Variants in TTLL5 observed in about 807,000 individuals in gnomAD.
The protein encoded by TTLL5 is tubulin tyrosine ligase like 5, also known as tubulin polyglutamylase TTLL5.
A neutral mutation model predicts 168.4 loss-of-function variants in TTLL5; 132 were observed. The ratio of observed to expected loss-of-function variants is 0.78; its 90% CI spans 0.68 to 0.91. The LOEUF (loss-of-function observed/expected upper bound fraction) is 0.91, where lower values mean the gene tolerates loss of function less well. Among genes scored for constraint, TTLL5 ranks in the 40% least tolerant of loss-of-function variants. The pLI, the probability that TTLL5 is intolerant of heterozygous loss-of-function variation, is 0.00. For synonymous variants in TTLL5, 546 were observed against 558.6 expected, an observed-to-expected ratio of 0.98 and a Z score of 0.32; for missense variants, 1,545 against 1,581.5, an observed-to-expected ratio of 0.98 and a Z score of 0.39.
chr14:75,663,011 TTG>T (rs1890857319), intron 1 of TTLL5, 42 bp from the exon 2 acceptor site: 1 of 744,100 alleles, frequency 1.3e-6, no homozygotes. Flanking sequence ...GACAACTGCA[TTG>T]TGTTTCAGGT....
intron 30 of TTLL5, among the ~76,000 whole-genome samples, chr14:75,883,504 G>T (rs909604186): frequency 2.0e-5 from 3 of 152,182 alleles, no homozygotes; most frequent in African/African-American, 7.2e-5. Context: ...GAAGAGGCAC[G>T]CATTGCCTGC....
chr14:75,803,762 A>C (rs957793699), intron 27 of TTLL5, among the ~76,000 whole-genome samples: 1 of 152,200 alleles, frequency 6.6e-6, no homozygotes, highest in Non-Finnish European at 1.5e-5. Context: ...AAGTCTCACT[A>C]TCTCTGCCTG....
At chr14:75,867,885 G>A (rs1000748118) in intron 29 of TTLL5, among the ~76,000 whole-genome samples, 1 of 152,028 alleles carries the variant, frequency 6.6e-6, no homozygotes, top group Non-Finnish European at 1.5e-5. Context: ...TTCTAATTCT[G>A]TCTTTCTTCT....
chr14:75,677,326 G>A lies in TTLL5; in HGVS notation c.182-4219G>A, dbSNP rs934219834. On this transcript the variant is annotated intron_variant, in intron 3 of 31. Transcript: ENST00000298832. Reference sequence around the variant, plus strand: ...ACAATTTATTGAAGGCTACAGGGAGGAAGTGGTAGAATCAGGGTTTGAACC... The same window carrying A: ...ACAATTTATTGAAGGCTACAGGGAGAAAGTGGTAGAATCAGGGTTTGAACC... Among the ~76,000 whole-genome samples the A allele has an allele frequency of 2.6e-5, 4 of 151,562 alleles. No individual in the cohort carries two copies. The South Asian group carries it at 8.4e-4, about 32-fold the overall frequency.
At chr14:75,713,203 T>C (rs1445738423) in intron 9 of TTLL5, among the ~76,000 whole-genome samples, 18 of 152,212 alleles carry the variant, frequency 1.2e-4, no homozygotes, top group Admixed American at 1.2e-3. Context: ...CCCATAAGAT[T>C]GTAATGGAGC....
chr14:75,813,409 C>G (rs117306921), intron 27 of TTLL5, among the ~76,000 whole-genome samples: 3,324 of 151,942 alleles, frequency 0.022, 43 homozygotes, highest in Middle Eastern at 0.041. Flanking sequence ...TCAAGCAATC[C>G]TTCCCACCTC....
chr14:75,762,097 A>T (rs1262236374), intron 18 of TTLL5, among the ~76,000 whole-genome samples: 5 of 150,724 alleles, frequency 3.3e-5, no homozygotes, highest in South Asian at 4.2e-4. Flanking sequence ...TTAAATATTT[A>T]AAAAAAAAAT....
At chr14:75,919,197 CA>C (rs10655974) in intron 31 of TTLL5, among the ~76,000 whole-genome samples, 393 of 56,072 alleles carry the variant, frequency 7.0e-3, no homozygotes, top group African/African-American at 0.024. Context: ...AAGACCGTCT[CA>C]AAAAAAAAAA....
At chr14:75,704,102 A>G (rs891161633) in intron 7 of TTLL5, among the ~76,000 whole-genome samples, 143 of 152,212 alleles carry the variant, frequency 9.4e-4, no homozygotes, top group African/African-American at 3.3e-3. Flanking sequence ...TGAGGTAGTT[A>G]TTATTTCCTT....
chr14:75,667,447 C>G (rs565714373), intron 2 of TTLL5, among the ~76,000 whole-genome samples: 31 of 152,190 alleles, frequency 2.0e-4, no homozygotes, highest in Non-Finnish European at 3.8e-4. Flanking sequence ...AATCACCTGG[C>G]TTCATGCCCA....
chr14:75,846,520 G>T (rs1566628839), intron 28 of TTLL5, among the ~76,000 whole-genome samples: 1 of 152,232 alleles, frequency 6.6e-6, no homozygotes, highest in Non-Finnish European at 1.5e-5. Flanking sequence ...GCCGGGTGTG[G>T]TGGCTCATGC....
chr14:75,953,244 A>G (rs1190802760), intron 31 of TTLL5, among the ~76,000 whole-genome samples: 1 of 152,240 alleles, frequency 6.6e-6, no homozygotes, highest in Non-Finnish European at 1.5e-5. Context: ...CTGAGGCAAT[A>G]CTGCTCCACA....
At chr14:75,926,816 A>G (rs886360879) in intron 31 of TTLL5, among the ~76,000 whole-genome samples, 2 of 152,224 alleles carry the variant, frequency 1.3e-5, no homozygotes, top group South Asian at 4.1e-4. Flanking sequence ...CTAAATATAC[A>G]TTTAGGAGAA....
intron 30 of TTLL5, 118 bp downstream of exon 30, chr14:75,883,020 T>G (rs765955803): frequency 1.0e-5 from 12 of 1,143,690 alleles, no homozygotes; most frequent in Non-Finnish European, 1.4e-5. Context: ...GAACACCTGC[T>G]GGGAAATAAA....
intron 21 of TTLL5, 34 bp from the exon 22 acceptor site, chr14:75,775,450 C>CT (rs555833874): frequency 2.7e-4 from 434 of 1,578,672 alleles, no homozygotes; most frequent in South Asian, 9.9e-4. Context: ...ACCATCCCTC[C>CT]TTTTTTTTTC....
chr14:75,745,479 T>C lies in TTLL5; in HGVS notation c.1396-11T>C. ...AAAATAGGTACTCATTTTATCTTAT[T>C]TTTCATCTAGATCAAAGTTTTACGA... is the stretch of plus-strand genomic sequence containing the variant. On this transcript the variant is annotated splice_polypyrimidine_tract_variant and intron_variant, in intron 16 of 31. Transcript: ENST00000298832. 1 of 1,613,886 alleles carries C rather than the reference T, an allele frequency of 6.2e-7. No homozygotes were observed.
At chr14:75,689,755 A>G (rs979360348) in intron 5 of TTLL5, 1 of 191,570 alleles carries the variant, frequency 5.2e-6, no homozygotes, top group Non-Finnish European at 1.1e-5. Flanking sequence ...GTCTGATTCC[A>G]CTTATTTGAC....
Position 75,746,698 on chromosome 14 carries a change from G to C in TTLL5, c.1487+1117G>C, listed in dbSNP as rs539624089. On this transcript the variant is annotated intron_variant, in intron 17 of 31. Coordinates refer to ENST00000298832, the MANE Select transcript of TTLL5 (RefSeq NM_015072.5). The stretch of plus-strand genomic sequence containing the variant: ...CCACCTCAGCCTGCCAGGTAGCTAG[G>C]ACTACAGGTACATGCCACTGTGCAT... 3.4e-4 allele frequency among the ~76,000 whole-genome samples: 52 copies of C among 152,006 alleles called. 1 individual carries two copies. In the South Asian group the frequency reaches 0.01, roughly 30 times the overall value.
intron 30 of TTLL5, among the ~76,000 whole-genome samples, chr14:75,887,961 A>AT (rs1467094009): frequency 5.4e-4 from 82 of 152,290 alleles, no homozygotes; most frequent in Admixed American, 5.4e-3. Flanking sequence ...GAAGAACAAC[A>AT]TGGAGGGCTT....
Sources: allele counts gnomAD v4.1 joint callset (sites outside exome capture counted in the v4.1 genomes callset), GRCh38; gene constraint gnomAD v4.1.1; transcripts MANE v1.5; gene names NCBI Gene and HGNC (gene_info 2026-07-23, HGNC 2026-07-21).